The following BRD3 variants were observed in gnomAD, a reference collection of about 807,000 sequenced individuals.
The protein encoded by BRD3 is bromodomain containing 3.
Under a neutral mutation model 66.8 loss-of-function variants are expected in BRD3, and 17 were observed. That is an observed-to-expected ratio of 0.25 (90% CI 0.17 to 0.38). The LOEUF (loss-of-function observed/expected upper bound fraction) is 0.38. Among genes scored for constraint, BRD3 ranks in the 10% least tolerant of loss-of-function variants. The pLI, the probability that BRD3 is intolerant of heterozygous loss-of-function variation, is 1.00. For synonymous variants in BRD3, 421 were observed against 393.2 expected (o/e 1.07, Z -0.84); for missense variants, 713 against 956.1 (o/e 0.75, Z 3.35).
rs745603666 is a variant in BRD3 at position 134,051,586 on chromosome 9, G to A, written c.475C>T (p.Pro159Ser). ...CCTGCGCTCTGGGCTCCCGCAGCCG[G>A]CTTCCGACCTTTGCCCTTTGGAGCA... Reference protein sequence around the residue: ...PPAPKGKGRKPAAGAQSAGTQ... With the variant: ...PPAPKGKGRKSAAGAQSAGTQ... The change falls in exon 4 of 12, where the codon CCG (proline) becomes TCG (serine). Residue 159 changes from proline (P) to serine (S), a missense_variant. Around this residue, in one of 5 missense-constraint regions of BRD3, gnomAD observed 120 missense variants for 122.8 expected, o/e 0.98. Transcript: ENST00000303407. 3.8e-6 allele frequency: 6 copies of A among 1,563,182 alleles called. No individual in the cohort carries two copies. The highest frequency in any genetic ancestry group is 5.2e-6 in the Non-Finnish European group (6 of 1,163,750).
intron 1 of BRD3, among the ~76,000 whole-genome samples, chr9:134,066,073 C>G (rs1258506051): frequency 6.6e-6 from 1 of 152,140 alleles, no homozygotes; most frequent in Non-Finnish European, 1.5e-5. Flanking sequence ...AAAAACAAAA[C>G]AAAAATAAAA....
At chr9:134,034,228 G>A (rs146466879) in intron 11 of BRD3, among the ~76,000 whole-genome samples, 39 of 152,366 alleles carry the variant, frequency 2.6e-4, no homozygotes, top group African/African-American at 7.2e-4. Context: ...TGCTCTAACA[G>A]GGTCCAGAAA....
chr9:134,036,594 G>A (rs527524350), intron 9 of BRD3: 2 of 1,604,654 alleles, frequency 1.2e-6, no homozygotes, highest in African/African-American at 1.3e-5. Flanking sequence ...AATGATCTCT[G>A]TATTCAGGTA....
intron 8 of BRD3, among the ~76,000 whole-genome samples, chr9:134,041,439 G>C (rs1437433811): frequency 1.3e-5 from 2 of 152,290 alleles, no homozygotes; most frequent in East Asian, 3.9e-4. Flanking sequence ...TGTGGCCTCT[G>C]CAAGTGCCTC....
At chr9:134,060,255 C>T (rs1167246000) in intron 1 of BRD3, among the ~76,000 whole-genome samples, 1 of 152,166 alleles carries the variant, frequency 6.6e-6, no homozygotes, top group Non-Finnish European at 1.5e-5. Flanking sequence ...CAAAAGTCCT[C>T]GAACGCCAAG....
chr9:134,065,379 G>A, intron 1 of BRD3, among the ~76,000 whole-genome samples: 1 of 151,620 alleles, frequency 6.6e-6, no homozygotes, highest in Non-Finnish European at 1.5e-5. Flanking sequence ...GGCTGAGATC[G>A]TGCCACTGCA....
intron 8 of BRD3, among the ~76,000 whole-genome samples, chr9:134,040,814 G>A (rs1224462851): frequency 6.6e-6 from 1 of 152,226 alleles, no homozygotes; most frequent in African/African-American, 2.4e-5. Flanking sequence ...CAGGACTCCG[G>A]GGTTAAAACA....
intron 7 of BRD3, among the ~76,000 whole-genome samples, chr9:134,043,595 G>C (rs924194283): frequency 6.6e-6 from 1 of 152,206 alleles, no homozygotes. Context: ...GCCCCCGCTC[G>C]GCCGACAGCC....
At chr9:134,066,562 GAA>G (rs35011268) in intron 1 of BRD3, among the ~76,000 whole-genome samples, 50,668 of 148,764 alleles carry the variant, frequency 0.34, 8,949 homozygotes, top group Middle Eastern at 0.53. Context: ...ATGGACCCAG[GAA>G]AAAAAAAAAA....
At chr9:134,058,726 G>C (rs1830477023) in intron 1 of BRD3, 1 of 152,344 alleles carries the variant, frequency 6.6e-6, no homozygotes, top group African/African-American at 2.4e-5. Context: ...ATACACAAAG[G>C]TTCAAACTAC....
chr9:134,052,766 G>A (rs1830332008), intron 2 of BRD3, among the ~76,000 whole-genome samples: 1 of 152,220 alleles, frequency 6.6e-6, no homozygotes, highest in Admixed American at 6.5e-5. Context: ...GCCCAGCAGA[G>A]CCCAGAGCCC....
intron 1 of BRD3, among the ~76,000 whole-genome samples, chr9:134,060,468 T>C (rs1830513517): frequency 6.6e-6 from 1 of 152,042 alleles, no homozygotes; most frequent in Non-Finnish European, 1.5e-5. Context: ...GTGGTGCACC[T>C]AGAATCCCAG....
intron 11 of BRD3, among the ~76,000 whole-genome samples, chr9:134,034,334 T>G (rs1843564816): frequency 6.6e-6 from 1 of 152,200 alleles, no homozygotes; most frequent in Non-Finnish European, 1.5e-5. Flanking sequence ...TACCTCGGCC[T>G]GCCATGGAAC....
rs557671568 is a variant in BRD3, at chr9:134,052,454, G to A, written c.214-11C>T. On this transcript the variant is annotated splice_polypyrimidine_tract_variant and intron_variant, in intron 2 of 11. Coordinates refer to ENST00000303407, the MANE Select transcript of BRD3 (RefSeq NM_007371.4). Reference sequence around the variant, plus strand: ...TATTTTATGATAATCCTAGGAAAGAGATTTTCAGAGGCATTACCAGAAGAT... The same window carrying A: ...TATTTTATGATAATCCTAGGAAAGAAATTTTCAGAGGCATTACCAGAAGAT... 13 of 1,594,620 alleles carry A rather than the reference G, an allele frequency of 8.2e-6. No individual in the cohort carries two copies. Among genetic ancestry groups the A allele is most frequent in the Non-Finnish European group, 1.1e-5 (13 of 1,174,362 alleles).
At chr9:134,042,646 TAC>T (rs149487771) in intron 7 of BRD3, among the ~76,000 whole-genome samples, 42,484 of 134,496 alleles carry the variant, frequency 0.32, 6,620 homozygotes, top group East Asian at 0.6. Flanking sequence ...CAAATATATA[TAC>T]ACACACACAC....
intron 1 of BRD3, among the ~76,000 whole-genome samples, chr9:134,062,310 C>T (rs903731051): frequency 1.1e-4 from 16 of 152,166 alleles, no homozygotes; most frequent in South Asian, 6.2e-4. Flanking sequence ...TGTCCCGGGG[C>T]GCTTCAGCAG....
At chr9:134,051,872 TGTG>T (rs1830308119) in intron 3 of BRD3, among the ~76,000 whole-genome samples, 163 bp from the exon 4 acceptor site, 2 of 108,226 alleles carry the variant, frequency 1.8e-5, no homozygotes, top group African/African-American at 9.5e-5. Context: ...TGTGTGTGTG[TGTG>T]TGTTGTTTTT....
Position 134,032,987 on chromosome 9 carries a change from A to G in BRD3, c.*603T>C, listed in dbSNP as rs1322319641. 1 of 397,022 alleles carries G rather than the reference A, an allele frequency of 2.5e-6. No individual in the cohort carries two copies. Among genetic ancestry groups the G allele is most frequent in the Non-Finnish European group, 4.4e-6 (1 of 225,570 alleles). 24.6% of individuals were successfully genotyped at this position (397,022 alleles called of 1,614,324 possible). On this transcript the variant is annotated 3_prime_UTR_variant, in exon 12 of 12. Coordinates refer to ENST00000303407, the MANE Select transcript of BRD3 (RefSeq NM_007371.4). ...ACATCACCACGAGCGGAGAACGCAC[A>G]TCCCACCCGACCACCCCCCAAGGGC... is the stretch of plus-strand genomic sequence containing the variant.
chr9:134,049,150 C>A (rs1284231331), intron 5 of BRD3, among the ~76,000 whole-genome samples: 1 of 152,130 alleles, frequency 6.6e-6, no homozygotes, highest in Non-Finnish European at 1.5e-5. Context: ...TGGGTGTGTC[C>A]TGGGGACGGA....
Sources: allele counts gnomAD v4.1 joint callset (sites outside exome capture counted in the v4.1 genomes callset), GRCh38; gene constraint gnomAD v4.1.1; regional missense constraint gnomAD v4.1.1; transcripts MANE v1.5; gene names NCBI Gene and HGNC (gene_info 2026-07-23, HGNC 2026-07-21).